Variants in UNC5D observed in about 807,000 individuals in gnomAD.
UNC5D encodes the protein unc-5 netrin receptor D, also known as netrin receptor UNC5D.
A neutral mutation model predicts 105.4 loss-of-function variants in UNC5D; 39 were observed. The observed-to-expected ratio is 0.37, with a 90% CI of 0.29 to 0.48. The LOEUF (loss-of-function observed/expected upper bound fraction) is 0.48. Among genes scored for constraint, UNC5D ranks in the 20% least tolerant of loss-of-function variants. The pLI is 0.98. For missense variants in UNC5D, 991 were observed against 1,202.4 expected, an observed-to-expected ratio of 0.82 and a Z score of 2.60; for synonymous variants, 452 against 450.4, an observed-to-expected ratio of 1.00 and a Z score of -0.04.
At chr8:35,442,910 A>G in intron 1 of UNC5D, among the ~76,000 whole-genome samples, 1 of 132,052 alleles carries the variant, frequency 7.6e-6, no homozygotes, top group African/African-American at 2.7e-5. Flanking sequence ...TCTCTCACAC[A>G]CACACACACA....
At position 35,596,790 on chromosome 8, in the gene UNC5D, G is replaced by A. The variant is rs150207833; in HGVS notation, c.570+1133G>A. Among the ~76,000 whole-genome samples the A allele has an allele frequency of 3.3e-5, 5 of 152,274 alleles. No individual in the cohort carries two copies. In the East Asian group the frequency reaches 7.7e-4, roughly 24 times the overall value. On this transcript the variant is annotated intron_variant, in intron 4 of 16. Transcript: ENST00000404895. ...GAGTTTCTGATTAGCCTCTCCAAAG[G>A]ATGCGATCAGATATGCATTTATCTC...
intron 11 of UNC5D, among the ~76,000 whole-genome samples, chr8:35,745,983 T>G (rs568403471): frequency 6.6e-6 from 1 of 152,112 alleles, no homozygotes; most frequent in East Asian, 1.9e-4. Flanking sequence ...AGGCTCATTT[T>G]TTTTTTTGTC....
chr8:35,657,080 G>GTATATATATATATATA (rs3077002), intron 4 of UNC5D, among the ~76,000 whole-genome samples: 8 of 46,518 alleles, frequency 1.7e-4, no homozygotes, highest in Admixed American at 2.6e-4. Flanking sequence ...GTGTGTGTGT[G>GTATATATATATATATA]TATATATATA....
At chr8:35,505,279 C>T (rs768961803) in intron 1 of UNC5D, among the ~76,000 whole-genome samples, 1 of 151,884 alleles carries the variant, frequency 6.6e-6, no homozygotes, top group African/African-American at 2.4e-5. Flanking sequence ...TGCAGTAATC[C>T]CCAAAATTAT....
At chr8:35,365,939 G>T (rs572976881) in intron 1 of UNC5D, among the ~76,000 whole-genome samples, 26 of 152,148 alleles carry the variant, frequency 1.7e-4, no homozygotes, top group African/African-American at 6.3e-4. Flanking sequence ...CTCACATTTT[G>T]TGGGGAGGAA....
intron 1 of UNC5D, among the ~76,000 whole-genome samples, chr8:35,308,704 C>T (rs1389701960): frequency 1.3e-5 from 2 of 152,116 alleles, no homozygotes; most frequent in East Asian, 3.9e-4. Context: ...ATTACAAACA[C>T]AGCCATGACT....
At chr8:35,428,637 AC>A (rs775130703) in intron 1 of UNC5D, among the ~76,000 whole-genome samples, 4 of 151,636 alleles carry the variant, frequency 2.6e-5, no homozygotes, top group Non-Finnish European at 4.4e-5. Context: ...TTCCCCATAA[AC>A]TTTTGTTAGA....
intron 1 of UNC5D, among the ~76,000 whole-genome samples, chr8:35,532,038 C>A (rs1308166621): frequency 3.5e-5 from 5 of 142,586 alleles, no homozygotes; most frequent in Non-Finnish European, 7.6e-5. Context: ...AGCATTTAGT[C>A]CATTTACATT....
At chr8:35,534,151 T>C (rs1214363902) in intron 1 of UNC5D, among the ~76,000 whole-genome samples, 2 of 152,152 alleles carry the variant, frequency 1.3e-5, no homozygotes, top group African/African-American at 2.4e-5. Context: ...GGTCTCAGTT[T>C]TCTTTTGTAG....
chr8:35,293,488 A>G (rs1383428362), intron 1 of UNC5D, among the ~76,000 whole-genome samples: 1 of 152,124 alleles, frequency 6.6e-6, no homozygotes, highest in African/African-American at 2.4e-5. Context: ...CTGGTTTGGA[A>G]GCACTCATCT....
intron 1 of UNC5D, among the ~76,000 whole-genome samples, chr8:35,489,541 CAG>C: frequency 6.6e-6 from 1 of 152,188 alleles, no homozygotes; most frequent in African/African-American, 2.4e-5. Context: ...TGTGCAGACA[CAG>C]AGGAAAAGCC....
At chr8:35,723,321 C>T (rs575074893) in intron 9 of UNC5D, among the ~76,000 whole-genome samples, 127 of 152,312 alleles carry the variant, frequency 8.3e-4, no homozygotes, top group African/African-American at 2.5e-3. Context: ...TTGCCATTCA[C>T]TTCTGGGCAC....
chr8:35,646,301 A>G (rs964448649), intron 4 of UNC5D, among the ~76,000 whole-genome samples: 4 of 152,138 alleles, frequency 2.6e-5, no homozygotes, highest in African/African-American at 7.2e-5. Context: ...TCTTCATGAA[A>G]GTGCTGAGAT....
intron 4 of UNC5D, among the ~76,000 whole-genome samples, chr8:35,601,766 C>G (rs1236940526): frequency 6.6e-6 from 1 of 152,190 alleles, no homozygotes; most frequent in Non-Finnish European, 1.5e-5. Flanking sequence ...TTGACTTCCT[C>G]TTTTCCTAAT....
intron 4 of UNC5D, among the ~76,000 whole-genome samples, chr8:35,643,977 A>G (rs1221864776): frequency 6.6e-6 from 1 of 152,152 alleles, no homozygotes; most frequent in Non-Finnish European, 1.5e-5. Context: ...ACACAAAACA[A>G]GTAGAGAACA....
At chr8:35,433,444 G>A (rs1373532883) in intron 1 of UNC5D, among the ~76,000 whole-genome samples, 1 of 151,960 alleles carries the variant, frequency 6.6e-6, no homozygotes, top group Non-Finnish European at 1.5e-5. Flanking sequence ...ATTCACTAAG[G>A]AAAGAAATGG....
chr8:35,619,521 G>T (rs1200454107), intron 4 of UNC5D, among the ~76,000 whole-genome samples: 1 of 152,176 alleles, frequency 6.6e-6, no homozygotes, highest in Non-Finnish European at 1.5e-5. Flanking sequence ...ACTCGTAGGT[G>T]GTAGGGAGCC....
intron 1 of UNC5D, among the ~76,000 whole-genome samples, chr8:35,275,925 G>A (rs1185608857): frequency 6.6e-6 from 1 of 152,184 alleles, no homozygotes; most frequent in Non-Finnish European, 1.5e-5. Flanking sequence ...TAAGGGATTA[G>A]GGATGTATGG....
At chr8:35,298,679 A>C (rs1007064610) in intron 1 of UNC5D, among the ~76,000 whole-genome samples, 5 of 145,806 alleles carry the variant, frequency 3.4e-5, no homozygotes, top group Non-Finnish European at 5.9e-5. Context: ...ATATGTGTTC[A>C]ATAGCAGTAG....
Sources: gnomAD v4.1 joint callset for allele counts (sites outside exome capture counted in the v4.1 genomes callset) on GRCh38, gnomAD v4.1.1 for gene constraint, MANE v1.5 for transcripts, NCBI Gene and HGNC (gene_info 2026-07-23, HGNC 2026-07-21) for gene names.